Variants in RADIL observed in about 807,000 individuals in gnomAD.
RADIL encodes Rap associating with DIL domain.
In RADIL, 99 loss-of-function variants were observed where a neutral mutation model predicts 97.6. The ratio of observed to expected loss-of-function variants is 1.01; its 90% CI spans 0.86 to 1.20. The LOEUF is 1.20. RADIL is among the 50% of genes most tolerant of loss of function. RADIL has a pLI of 0.00. For synonymous variants in RADIL, 803 were observed against 691.8 expected, an observed-to-expected ratio of 1.16 and a Z score of -2.52; for missense variants, 1,765 against 1,498.9, an observed-to-expected ratio of 1.18 and a Z score of -2.93.
chr7:4,812,374 T>G (rs1366851980), intron 9 of RADIL, among the ~76,000 whole-genome samples: 1 of 152,232 alleles, frequency 6.6e-6, no homozygotes, highest in Non-Finnish European at 1.5e-5. Context: ...GCCTCCTTTT[T>G]CTGATACTAG....
intron 2 of RADIL, among the ~76,000 whole-genome samples, chr7:4,851,634 T>C (rs1043685528): frequency 5.9e-5 from 9 of 152,108 alleles, no homozygotes; most frequent in Admixed American, 3.3e-4. Flanking sequence ...TTGCAAATGG[T>C]GAACCTGAAG....
At chr7:4,800,034 T>C in intron 13 of RADIL, 137 bp downstream of exon 13, 4 of 1,323,106 alleles carry the variant, frequency 3.0e-6, no homozygotes, top group South Asian at 3.0e-5. Flanking sequence ...CCCTCCCAGC[T>C]GCAGAGGCCA....
In RADIL at chr7:4,835,163, C is replaced by G. The variant is rs377038077; in HGVS notation, c.860G>C (p.Ser287Thr). 6.2e-7 allele frequency: 1 copy of G among 1,611,652 alleles called. No individual in the cohort carries two copies. The highest frequency in any genetic ancestry group is 8.5e-7 in the Non-Finnish European group (1 of 1,179,434). ...QRTPSSKPSISLSAPDILPLH... is the reference protein window; with the variant it reads ...QRTPSSKPSITLSAPDILPLH... ...AGGCAGGATGTCGGGGGCTGAGAGGCTGATGCTGGGCTTGCTGGAGGGGGT... is the reference window on the plus strand; with the variant it reads ...AGGCAGGATGTCGGGGGCTGAGAGGGTGATGCTGGGCTTGCTGGAGGGGGT... The change falls in exon 4 of 15, where the codon AGC becomes ACC. Residue 287 changes from serine to threonine, a missense_variant. Transcript: ENST00000399583. This position sits in a 1 kb window ranked among gnomAD's most constrained non-coding sequence, Gnocchi z 5.8.
intron 12 of RADIL, among the ~76,000 whole-genome samples, chr7:4,800,981 C>T (rs942056680): frequency 6.6e-6 from 1 of 152,222 alleles, no homozygotes; most frequent in Non-Finnish European, 1.5e-5. Context: ...CTGCCTCACC[C>T]TCAATGCCCT....
intron 5 of RADIL, among the ~76,000 whole-genome samples, chr7:4,825,908 A>AAC (rs760101468): frequency 2.8e-4 from 40 of 144,968 alleles, no homozygotes; most frequent in Non-Finnish European, 4.4e-4. Flanking sequence ...AAAAAAAAAA[A>AAC]GGGAAATGAA....
chr7:4,821,621 T>A lies in RADIL; in HGVS notation c.1615+773A>T, dbSNP rs983573102. Among the ~76,000 whole-genome samples the A allele has an allele frequency of 6.6e-6, 1 of 151,982 alleles. No homozygotes were observed. The highest frequency in any genetic ancestry group is 2.4e-5 in the African/African-American group (1 of 41,406). Reference sequence around the variant, plus strand: ...GGCTCATGCCTGTAATCCCAGCACTTTGGGAGGCTGAGGTGGGGCGGATCA... The same window carrying A: ...GGCTCATGCCTGTAATCCCAGCACTATGGGAGGCTGAGGTGGGGCGGATCA... On this transcript the variant is annotated intron_variant, in intron 6 of 14. Coordinates refer to ENST00000399583, the MANE Select transcript of RADIL (RefSeq NM_018059.5). The surrounding 1 kb of genome is among the most constrained non-coding windows in gnomAD (Gnocchi z 5.2).
At position 4,854,618 on chromosome 7, in the gene RADIL, C is replaced by T. The variant is rs1278539814; in HGVS notation, c.536-18013G>A. On this transcript the variant is annotated intron_variant, in intron 2 of 14. Coordinates refer to ENST00000399583, the MANE Select transcript of RADIL (RefSeq NM_018059.5). The surrounding 1 kb of genome is among the most constrained non-coding windows in gnomAD (Gnocchi z 5.1). ...CTGAGACAGGAGAATTACTTGAACC[C>T]GGGAGGCAAAGGTTGCAGTGAGCCG... Among the ~76,000 whole-genome samples, 5 of 152,064 alleles carry T rather than the reference C, an allele frequency of 3.3e-5. No homozygotes were observed. The highest frequency in any genetic ancestry group is 6.5e-5 in the Admixed American group (1 of 15,272).
intron 2 of RADIL, among the ~76,000 whole-genome samples, chr7:4,876,550 G>A (rs532061949): frequency 6.6e-5 from 10 of 151,792 alleles, no homozygotes; most frequent in Middle Eastern, 6.8e-3. Context: ...ATCCACCTGC[G>A]TTGGCCTCCC....
chr7:4,837,528 C>A lies in RADIL; in HGVS notation c.536-923G>T, dbSNP rs1000083275. Among the ~76,000 whole-genome samples, 7 of 152,154 alleles carry A rather than the reference C, an allele frequency of 4.6e-5. No individual in the cohort carries two copies. Among genetic ancestry groups the A allele is most frequent in the Non-Finnish European group, 1.0e-4 (7 of 68,022 alleles). Reference sequence around the variant, plus strand: ...CAAGGCTGTCTCTGATACCCCCAAGCCAAAGCAGGCACACACACAAACACA... The same window carrying A: ...CAAGGCTGTCTCTGATACCCCCAAGACAAAGCAGGCACACACACAAACACA... On this transcript the variant is annotated intron_variant, in intron 2 of 14. Coordinates refer to ENST00000399583, the MANE Select transcript of RADIL (RefSeq NM_018059.5). The surrounding 1 kb of genome is among the most constrained non-coding windows in gnomAD (Gnocchi z 5.6).
rs778436695 is a variant in RADIL at position 4,861,765 on chromosome 7, G to GCGC, written c.535+15837_535+15839dup. The GCGC allele has an allele frequency of 3.4e-6, 5 of 1,485,888 alleles. No homozygotes were observed. In the East Asian group the frequency reaches 7.0e-5, roughly 21 times the overall value. The allele number at this position is 1,485,888 out of a possible 1,614,324, so 92.0% of individuals were successfully genotyped here. Reference sequence around the variant, plus strand: ...GAGACGCCGTAGCGATTCGGCGGCGGCGCCGGCTGCGGTGGTCCCTGGGTT... The same window carrying GCGC: ...GAGACGCCGTAGCGATTCGGCGGCGGCGCCGCCGGCTGCGGTGGTCCCTGGGTT... On this transcript the variant is annotated intron_variant, in intron 2 of 14. Coordinates refer to ENST00000399583, the MANE Select transcript of RADIL (RefSeq NM_018059.5).
intron 2 of RADIL, among the ~76,000 whole-genome samples, chr7:4,877,255 T>C (rs1186984365): frequency 6.6e-6 from 1 of 152,132 alleles, no homozygotes; most frequent in African/African-American, 2.4e-5. Flanking sequence ...CTATCCTGGG[T>C]ATCACAGCGA....
chr7:4,834,844 G>A lies in RADIL; in HGVS notation c.1179C>T (p.Ser393=), dbSNP rs1481851812. 1.5e-6 allele frequency: 2 copies of A among 1,319,708 alleles called. No homozygotes were observed. The highest frequency in any genetic ancestry group is 6.2e-5 in the East Asian group (2 of 32,160). 81.7% of individuals were successfully genotyped at this position (1,319,708 alleles called of 1,614,324 possible). Residue 393 remains serine, a synonymous_variant, in exon 4 of 15, where the codon TCC becomes TCT. Transcript: ENST00000399583. This position sits in a 1 kb window ranked among gnomAD's most constrained non-coding sequence, Gnocchi z 6.0. The part of the protein sequence containing the change: ...GAALGARGAA[S]PTQAALPRRQ... ...GCCGGGGCAGGGCGGCCTGAGTAGGGGAGGCGGCTCCCCGGGCCCCGAGCG... is the reference window on the plus strand; with the variant it reads ...GCCGGGGCAGGGCGGCCTGAGTAGGAGAGGCGGCTCCCCGGGCCCCGAGCG...
Position 4,860,131 on chromosome 7 carries a change from C to A in RADIL, c.535+17474G>T, listed in dbSNP as rs747545626. The stretch of plus-strand genomic sequence containing the variant: ...TAGCCACAGATGCTGTCATTACAGC[C>A]AAGGCAGGACTGTTTCTACCCTGAG... On this transcript the variant is annotated intron_variant, in intron 2 of 14. Transcript: ENST00000399583. 3.0e-5 allele frequency: 48 copies of A among 1,613,826 alleles called. 1 individual carries two copies. In the Admixed American group the frequency reaches 7.8e-4, roughly 26 times the overall value.
intron 2 of RADIL, among the ~76,000 whole-genome samples, chr7:4,856,823 T>C (rs551957920): frequency 6.6e-6 from 1 of 152,256 alleles, no homozygotes; most frequent in Non-Finnish European, 1.5e-5. Flanking sequence ...AGATCATTCA[T>C]GGCAAACAAT....
rs1399421880 is a variant in RADIL at position 4,861,817 on chromosome 7, G to T, written c.535+15788C>A. ...TCACCGGAAACGGCATCATCTTTCA[G>T]CGCCCGCCCCGCCAGGGCACGTCCC... On this transcript the variant is annotated intron_variant, in intron 2 of 14. Transcript: ENST00000399583. 4.5e-6 allele frequency: 6 copies of T among 1,328,046 alleles called. No homozygotes were observed. In the African/African-American group the frequency reaches 7.3e-5, roughly 16 times the overall value. 82.3% of individuals were successfully genotyped at this position (1,328,046 alleles called of 1,614,324 possible).
Position 4,801,754 on chromosome 7 carries a change from G to T in RADIL, c.2741C>A (p.Pro914His). The change falls in exon 12 of 15, where the codon CCT becomes CAT. Residue 914 changes from proline to histidine, a missense_variant. By Grantham distance (77) the Pro-to-His change is moderately conservative. Coordinates refer to ENST00000399583, the MANE Select transcript of RADIL (RefSeq NM_018059.5). ...TPPSTPLGPE[P>H]GDPDWPESGG... ...GGACTCTGGCCAGTCGGGGTCCCCAGGCTCAGGGCCAAGTGGAGTGCTGGG... is the reference window on the plus strand; with the variant it reads ...GGACTCTGGCCAGTCGGGGTCCCCATGCTCAGGGCCAAGTGGAGTGCTGGG... The T allele has an allele frequency of 6.2e-7, 1 of 1,610,706 alleles. No homozygotes were observed. The highest frequency in any genetic ancestry group is 8.5e-7 in the Non-Finnish European group (1 of 1,179,192).
intron 9 of RADIL, chr7:4,809,236 G>A: frequency 2.0e-6 from 2 of 985,290 alleles, no homozygotes; most frequent in South Asian, 4.7e-5. Context: ...CCGCAGGGGC[G>A]CTCGGGCCTG....
rs773047239 is a variant in RADIL at position 4,836,474 on chromosome 7, C to T, written c.667G>A (p.Val223Met). Residue 223 changes from valine to methionine, a missense_variant, in exon 3 of 15, where the codon GTG becomes ATG. Coordinates refer to ENST00000399583, the MANE Select transcript of RADIL (RefSeq NM_018059.5). ...TGGGCGGCAGCGGGCAGGGCGTTCA[C>T]TGGGCTCAGGCTGGTCTCACTGACT... is the stretch of plus-strand genomic sequence containing the variant. ...RTVSETSLSP[V>M]NALPAAAQGP... 1.9e-6 allele frequency: 3 copies of T among 1,607,010 alleles called. No individual in the cohort carries two copies. Among genetic ancestry groups the T allele is most frequent in the Non-Finnish European group, 2.5e-6 (3 of 1,177,418 alleles).
chr7:4,840,001 G>A lies in RADIL; in HGVS notation c.536-3396C>T, dbSNP rs1310891568. 2.0e-5 allele frequency among the ~76,000 whole-genome samples: 3 copies of A among 152,124 alleles called. No homozygotes were observed. Among genetic ancestry groups the A allele is most frequent in the East Asian group, 1.9e-4 (1 of 5,194 alleles). ...TGACCTCAAGTGATCCGCCCACCTC[G>A]GCCTCCCAAAGTGTTGGAATTACAG... On this transcript the variant is annotated intron_variant, in intron 2 of 14. Transcript: ENST00000399583. The surrounding 1 kb of genome is among the most constrained non-coding windows in gnomAD (Gnocchi z 5.6).
Sources: allele counts gnomAD v4.1 joint callset (sites outside exome capture counted in the v4.1 genomes callset), GRCh38; gene constraint gnomAD v4.1.1; non-coding constraint Gnocchi (gnomAD v3.1); transcripts MANE v1.5; gene names NCBI Gene and HGNC (gene_info 2026-07-23, HGNC 2026-07-21).